LMBRD1: variants seen among roughly 807,000 people sequenced by gnomAD.
LMBRD1 encodes the protein LMBR1 domain containing 1, also known as lysosomal cobalamin transport escort protein LMBD1.
LMBRD1 carries 64 observed loss-of-function variants against 74.8 expected under a neutral mutation model. The ratio of observed to expected loss-of-function variants is 0.86; its 90% CI spans 0.70 to 1.05. The LOEUF (loss-of-function observed/expected upper bound fraction) is 1.05, where lower values mean the gene tolerates loss of function less well. Among genes scored for constraint, LMBRD1 ranks in the 50% least tolerant of loss-of-function variants. The probability of loss-of-function intolerance (pLI) is 0.00; values close to 1 mark genes in which losing one functional copy is unlikely to be tolerated. For synonymous variants in LMBRD1, 204 were observed against 216.3 expected, an observed-to-expected ratio of 0.94 and a Z score of 0.50; for missense variants, 652 against 645.9, an observed-to-expected ratio of 1.01 and a Z score of -0.10.
rs76441540 is a variant in LMBRD1 at position 69,683,744 on chromosome 6, T to C, written c.1418-7203A>G. Among the ~76,000 whole-genome samples the C allele has an allele frequency of 6.9e-3, 1,044 of 152,172 alleles. 7 individuals are homozygous for C. Among genetic ancestry groups the C allele is most frequent in the Non-Finnish European group, 0.012 (802 of 67,926 alleles). ...GTTTCTTATCCTTCTCAGGACCTCA[T>C]TACTGTTCTAGTATAGGAATAAAGC... On this transcript the variant is annotated intron_variant, in intron 14 of 15. Coordinates refer to ENST00000649934, the MANE Select transcript of LMBRD1 (RefSeq NM_018368.4).
rs12524485 is a variant in LMBRD1 at position 69,727,702 on chromosome 6, T to G, written c.637-8621A>C. 4.8e-3 allele frequency among the ~76,000 whole-genome samples: 723 copies of G among 152,200 alleles called. 8 individuals are homozygous for G. Among genetic ancestry groups the G allele is most frequent in the Middle Eastern group, 0.017 (5 of 294 alleles). On this transcript the variant is annotated intron_variant, in intron 7 of 15. Transcript: ENST00000649934. ...CACCCTCTAAATATATTTTTTAAAA[T>G]TAAAAGCATCTCGTTTATATTTTTA...
chr6:69,792,149 C>T (rs1254050773), intron 1 of LMBRD1, among the ~76,000 whole-genome samples: 1 of 152,218 alleles, frequency 6.6e-6, no homozygotes, highest in Non-Finnish European at 1.5e-5. Context: ...AACTCCAAAC[C>T]TCACCGTGTG....
At chr6:69,678,443 T>C (rs375365898) in intron 14 of LMBRD1, among the ~76,000 whole-genome samples, 49 of 152,106 alleles carry the variant, frequency 3.2e-4, no homozygotes, top group African/African-American at 1.1e-3. Flanking sequence ...AAAAAAAATC[T>C]GGCATAAGTG....
chr6:69,690,109 C>T (rs1765846051), intron 14 of LMBRD1, among the ~76,000 whole-genome samples: 2 of 151,270 alleles, frequency 1.3e-5, no homozygotes, highest in Non-Finnish European at 3.0e-5. Flanking sequence ...ATATTTTGAG[C>T]TGATCTTATT....
At chr6:69,688,598 T>TA (rs1385353491) in intron 14 of LMBRD1, among the ~76,000 whole-genome samples, 3 of 152,026 alleles carry the variant, frequency 2.0e-5, no homozygotes, top group Non-Finnish European at 4.4e-5. Flanking sequence ...ACTACCTACC[T>TA]ACTCATACTT....
At position 69,737,092 on chromosome 6, in the gene LMBRD1, C is replaced by T. The variant is rs557653882; in HGVS notation, c.636+850G>A. 4.6e-4 allele frequency among the ~76,000 whole-genome samples: 70 copies of T among 152,144 alleles called. 1 individual carries two copies. The South Asian group carries it at 0.01, about 22-fold the overall frequency. ...GTGACAAAACTAAATTCTGCTCTTA[C>T]GATAATAGCCATTTCCTTTATGTCT... On this transcript the variant is annotated intron_variant, in intron 7 of 15. Transcript: ENST00000649934.
intron 7 of LMBRD1, among the ~76,000 whole-genome samples, chr6:69,723,822 G>A (rs981133382): frequency 2.6e-5 from 4 of 151,596 alleles, no homozygotes; most frequent in African/African-American, 9.7e-5. Flanking sequence ...AAAGATCAGA[G>A]CAGAAATAAA....
At chr6:69,676,696 A>G (rs45527339) in intron 14 of LMBRD1, among the ~76,000 whole-genome samples, 155 bp from the exon 15 acceptor site, 6 of 152,228 alleles carry the variant, frequency 3.9e-5, no homozygotes, top group Non-Finnish European at 7.4e-5. Flanking sequence ...CTCTCTCCAA[A>G]GCCCACTCTT....
chr6:69,674,638 G>A lies in LMBRD1; in HGVS notation c.*1520C>T, dbSNP rs1765510652. Among the ~76,000 whole-genome samples the A allele has an allele frequency of 6.6e-6, 1 of 152,200 alleles. No individual in the cohort carries two copies. Among genetic ancestry groups the A allele is most frequent in the Non-Finnish European group, 1.5e-5 (1 of 68,034 alleles). ...AAAGTTCAGAGCTTAAGAACAAGTAGTATAGATAGAAGCCAAGGGTATGTG... is the reference window on the plus strand; with the variant it reads ...AAAGTTCAGAGCTTAAGAACAAGTAATATAGATAGAAGCCAAGGGTATGTG... On this transcript the variant is annotated 3_prime_UTR_variant, in exon 16 of 16. Transcript: ENST00000649934.
chr6:69,759,185 T>C (rs1765325398), intron 3 of LMBRD1, among the ~76,000 whole-genome samples: 1 of 152,168 alleles, frequency 6.6e-6, no homozygotes, highest in South Asian at 2.1e-4. Flanking sequence ...TTAGGAATAA[T>C]AGTGTAAACT....
At chr6:69,776,551 CAT>C (rs1392286104) in intron 3 of LMBRD1, among the ~76,000 whole-genome samples, 15 of 152,356 alleles carry the variant, frequency 9.8e-5, no homozygotes, top group African/African-American at 3.6e-4. Context: ...GAGATTATCA[CAT>C]GATTTGTTAA....
At chr6:69,697,676 C>T (rs766454014) in intron 13 of LMBRD1, 35 bp from the exon 14 acceptor site, 9 of 1,241,992 alleles carry the variant, frequency 7.2e-6, no homozygotes, top group African/African-American at 4.4e-5. Flanking sequence ...ATATAAAAAC[C>T]GCATTAATAA....
rs772087947 is a variant in LMBRD1, at chr6:69,718,944, A to G, written c.762+12T>C. ...TTTTATGCTTCCCAATTACACCAAAACATCAACTCACTTTTGATTTAATCG... is the reference window on the plus strand; with the variant it reads ...TTTTATGCTTCCCAATTACACCAAAGCATCAACTCACTTTTGATTTAATCG... On this transcript the variant is annotated intron_variant, in intron 8 of 15. Transcript: ENST00000649934. 3 of 1,613,008 alleles carry G rather than the reference A, an allele frequency of 1.9e-6. No homozygotes were observed. The highest frequency in any genetic ancestry group is 2.5e-6 in the Non-Finnish European group (3 of 1,179,350).
intron 8 of LMBRD1, among the ~76,000 whole-genome samples, chr6:69,716,692 A>T (rs1766497695): frequency 6.6e-6 from 1 of 151,980 alleles, no homozygotes; most frequent in Non-Finnish European, 1.5e-5. Flanking sequence ...ACATTACAAG[A>T]TGGTATCTAG....
At chr6:69,693,003 T>C (rs1186428724) in intron 14 of LMBRD1, among the ~76,000 whole-genome samples, 1 of 152,140 alleles carries the variant, frequency 6.6e-6, no homozygotes, top group Non-Finnish European at 1.5e-5. Flanking sequence ...AGTTTCCAAA[T>C]GTACATGGTC....
At chr6:69,787,611 C>T (rs1563606) in intron 2 of LMBRD1, among the ~76,000 whole-genome samples, 72,817 of 151,600 alleles carry the variant, frequency 0.48, 18,132 homozygotes, top group African/African-American at 0.61. Context: ...CTGGGCATGG[C>T]GGTGTGCATC....
chr6:69,785,581 C>A (rs1453466509), intron 2 of LMBRD1, among the ~76,000 whole-genome samples: 1 of 152,140 alleles, frequency 6.6e-6, no homozygotes, highest in Non-Finnish European at 1.5e-5. Flanking sequence ...ATCAGTGCTC[C>A]AATTTTCTTT....
chr6:69,753,039 C>A (rs1256030676), intron 3 of LMBRD1, among the ~76,000 whole-genome samples: 1 of 152,092 alleles, frequency 6.6e-6, no homozygotes, highest in Non-Finnish European at 1.5e-5. Context: ...GTTTTCAATT[C>A]TTAGATTATA....
intron 3 of LMBRD1, among the ~76,000 whole-genome samples, chr6:69,764,890 A>C (rs1197020439): frequency 1.3e-5 from 2 of 150,860 alleles, no homozygotes; most frequent in African/African-American, 4.9e-5. Context: ...TCTTTTTCTA[A>C]CTTAAGGTCA....
Sources: gnomAD v4.1 joint callset for allele counts (sites outside exome capture counted in the v4.1 genomes callset) on GRCh38, gnomAD v4.1.1 for gene constraint, MANE v1.5 for transcripts, NCBI Gene and HGNC (gene_info 2026-07-23, HGNC 2026-07-21) for gene names.